The following ASIC2 variants were observed in gnomAD, a reference collection of about 807,000 sequenced individuals.
ASIC2 encodes the protein acid sensing ion channel subunit 2.
ASIC2 carries 25 observed loss-of-function variants against 57.3 expected under a neutral mutation model. The ratio of observed to expected loss-of-function variants is 0.44; its 90% CI spans 0.32 to 0.61. ASIC2 has a LOEUF of 0.61. Ranked by LOEUF, ASIC2 falls within the 20% of genes least tolerant of loss-of-function variation. The pLI, the probability that ASIC2 is intolerant of heterozygous loss-of-function variation, is 0.06. For missense variants in ASIC2, 641 were observed against 738.1 expected, an observed-to-expected ratio of 0.87 and a Z score of 1.52; for synonymous variants, 319 against 307.5, an observed-to-expected ratio of 1.04 and a Z score of -0.39.
At chr17:34,103,500 ATTTCAGAGT>A (rs972957791) in intron 1 of ASIC2, among the ~76,000 whole-genome samples, 22 of 151,734 alleles carry the variant, frequency 1.4e-4, no homozygotes, top group African/African-American at 4.8e-4. Context: ...TTTTTATTTT[ATTTCAGAGT>A]TTTCAGAGTT....
At chr17:33,525,429 C>A (rs1486438806) in intron 1 of ASIC2, among the ~76,000 whole-genome samples, 1 of 152,192 alleles carries the variant, frequency 6.6e-6, no homozygotes. Context: ...GATGAGTGAG[C>A]TTTGTTCTGT....
At chr17:34,103,629 G>T (rs1041746946) in intron 1 of ASIC2, among the ~76,000 whole-genome samples, 2 of 151,850 alleles carry the variant, frequency 1.3e-5, no homozygotes, top group African/African-American at 4.8e-5. Flanking sequence ...TAAATGTGGT[G>T]TGTGTGGTGT....
At chr17:33,611,293 C>A (rs928374395) in intron 1 of ASIC2, among the ~76,000 whole-genome samples, 1 of 152,122 alleles carries the variant, frequency 6.6e-6, no homozygotes, top group Admixed American at 6.5e-5. Flanking sequence ...GCTCCAGAAA[C>A]CTGGGCTCTG....
intron 1 of ASIC2, among the ~76,000 whole-genome samples, chr17:33,786,479 C>A (rs1395817049): frequency 6.6e-6 from 1 of 152,148 alleles, no homozygotes; most frequent in Non-Finnish European, 1.5e-5. Flanking sequence ...AACTTACTAT[C>A]TGCTATCACC....
intron 1 of ASIC2, among the ~76,000 whole-genome samples, chr17:33,250,888 C>T (rs544636828): frequency 1.3e-5 from 2 of 152,306 alleles, no homozygotes; most frequent in East Asian, 3.9e-4. Context: ...ATGTAATCGG[C>T]ATTAGATGGC....
At chr17:33,891,652 T>C (rs1209083678) in intron 1 of ASIC2, among the ~76,000 whole-genome samples, 1 of 152,232 alleles carries the variant, frequency 6.6e-6, no homozygotes, top group Non-Finnish European at 1.5e-5. Context: ...TTGTTTTGGC[T>C]GTTAGGAAGC....
intron 3 of ASIC2, among the ~76,000 whole-genome samples, chr17:33,068,564 C>CAAAACAAAACAAAACA (rs1319892518): frequency 2.0e-5 from 3 of 151,604 alleles, no homozygotes; most frequent in African/African-American, 4.9e-5. Flanking sequence ...CAAAACAAAA[C>CAAAACAAAACAAAACA]AAACCCAAAA....
chr17:33,865,317 G>C (rs936081039), intron 1 of ASIC2, among the ~76,000 whole-genome samples: 8 of 152,188 alleles, frequency 5.3e-5, no homozygotes, highest in Admixed American at 5.2e-4. Flanking sequence ...CCAGTAACCT[G>C]GCAGAATTAC....
rs115379985 is a variant in ASIC2, at chr17:33,641,754, G to T, written c.555+514224C>A. ...TGCACTATGGAGCTGGACAGTGAGG[G>T]TTCTCTGTGGCAGGACAGTTTAAAG... On this transcript the variant is annotated intron_variant, in intron 1 of 9. Transcript: ENST00000359872. Among the ~76,000 whole-genome samples the T allele has an allele frequency of 7.3e-3, 1,115 of 152,244 alleles. 20 individuals carry two copies. Among genetic ancestry groups the T allele is most frequent in the African/African-American group, 0.026 (1,078 of 41,546 alleles).
chr17:33,718,461 C>T (rs547076209), intron 1 of ASIC2, among the ~76,000 whole-genome samples: 4 of 152,058 alleles, frequency 2.6e-5, no homozygotes, highest in African/African-American at 4.8e-5. Context: ...CCAGGTGTCT[C>T]GGTGATCTGA....
At chr17:33,394,859 C>G (rs1469456850) in intron 1 of ASIC2, among the ~76,000 whole-genome samples, 1 of 152,056 alleles carries the variant, frequency 6.6e-6, no homozygotes, top group East Asian at 1.9e-4. Flanking sequence ...TAAATTTCTA[C>G]TCTCATTGAT....
At chr17:33,875,738 T>A (rs1914529847) in intron 1 of ASIC2, among the ~76,000 whole-genome samples, 2 of 152,150 alleles carry the variant, frequency 1.3e-5, no homozygotes, top group Admixed American at 6.5e-5. Flanking sequence ...CTTGGCTGTC[T>A]CATTTCACTC....
intron 1 of ASIC2, among the ~76,000 whole-genome samples, chr17:33,377,897 A>G (rs1490081675): frequency 6.6e-6 from 1 of 152,200 alleles, no homozygotes; most frequent in Non-Finnish European, 1.5e-5. Context: ...ACTGCATGCT[A>G]TTTTATCAAA....
At position 33,064,210 on chromosome 17, in the gene ASIC2, C is replaced by T. The variant is rs375704982; in HGVS notation, c.987+24653G>A. 3.9e-5 allele frequency among the ~76,000 whole-genome samples: 6 copies of T among 152,200 alleles called. No homozygotes were observed. In the East Asian group the frequency reaches 5.8e-4, roughly 15 times the overall value. ...TTGTTCCGTTGATGGTGAGGAGCTG[C>T]GTTCCTTTGGAGGAGGAGAGGCGCT... On this transcript the variant is annotated intron_variant, in intron 3 of 9. Coordinates refer to ENST00000225823, the MANE Select transcript of ASIC2 (RefSeq NM_183377.2).
At chr17:33,218,166 C>T (rs945581896) in intron 1 of ASIC2, among the ~76,000 whole-genome samples, 1 of 152,218 alleles carries the variant, frequency 6.6e-6, no homozygotes, top group African/African-American at 2.4e-5. Flanking sequence ...GAACTGTGGG[C>T]TGTGTTCTCA....
At chr17:34,066,172 T>C (rs1375008687) in intron 1 of ASIC2, among the ~76,000 whole-genome samples, 1 of 152,186 alleles carries the variant, frequency 6.6e-6, no homozygotes, top group Non-Finnish European at 1.5e-5. Flanking sequence ...TGAAAATCTC[T>C]AATTTGAGGT....
intron 1 of ASIC2, among the ~76,000 whole-genome samples, chr17:33,765,549 T>G (rs1910910831): frequency 2.0e-5 from 3 of 152,184 alleles, no homozygotes; most frequent in African/African-American, 7.2e-5. Flanking sequence ...AAATGAAAAG[T>G]TCTTAGGTCA....
intron 1 of ASIC2, among the ~76,000 whole-genome samples, chr17:34,034,009 T>G (rs1018996737): frequency 4.6e-5 from 7 of 152,330 alleles, no homozygotes; most frequent in African/African-American, 9.6e-5. Flanking sequence ...TAACTCATTT[T>G]ATGAGGCCAG....
intron 1 of ASIC2, among the ~76,000 whole-genome samples, chr17:34,131,762 C>T (rs1194596849): frequency 6.6e-6 from 1 of 152,214 alleles, no homozygotes; most frequent in Non-Finnish European, 1.5e-5. Flanking sequence ...CCAGGGTCTG[C>T]TGGGCAGGGG....
Sources: allele counts gnomAD v4.1 joint callset (sites outside exome capture counted in the v4.1 genomes callset), GRCh38; gene constraint gnomAD v4.1.1; transcripts MANE v1.5; gene names NCBI Gene and HGNC (gene_info 2026-07-23, HGNC 2026-07-21).